The following PGBD4 variants were observed in gnomAD, a reference collection of about 807,000 sequenced individuals.
PGBD4 encodes piggyBac transposable element-derived protein 4.
In PGBD4, 1 loss-of-function variant was observed where a neutral mutation model predicts 0.3. That is an observed-to-expected ratio of 3.72 (90% confidence interval 1.32 to 17.64). The LOEUF (loss-of-function observed/expected upper bound fraction) is 17.64. Among genes scored for constraint, PGBD4 ranks in the 30% most tolerant of loss-of-function variants. The pLI is 0.11. For synonymous variants in PGBD4, 253 were observed against 267.7 expected, an observed-to-expected ratio of 0.95 and a Z score of 0.54; for missense variants, 624 against 719.7, an observed-to-expected ratio of 0.87 and a Z score of 1.52.
rs1486576480 is a variant in PGBD4, at chr15:34,107,337, TTCTC to T, written c.*3050_*3053del. On this transcript the variant is annotated 3_prime_UTR_variant, in exon 1 of 1. Transcript: ENST00000397766. Reference sequence around the variant, plus strand: ...ATGTTCCAGCTTATGGATGGACTGATTCTCTATCGAGCAACATTAAGATTGTGTC... The same window carrying T: ...ATGTTCCAGCTTATGGATGGACTGATTATCGAGCAACATTAAGATTGTGTC... The T allele has an allele frequency of 6.6e-6, 1 of 152,208 alleles. No homozygotes were observed. Among genetic ancestry groups the T allele is most frequent in the Non-Finnish European group, 1.5e-5 (1 of 68,030 alleles). The allele number at this position is 152,208 out of a possible 1,614,324, so 9.4% of individuals were successfully genotyped here. A position where few individuals can be genotyped will look rare whatever the true frequency, so the allele number is the denominator to read the frequency against.
rs1475834593 is a variant in PGBD4 at position 34,103,696 on chromosome 15, G to C, written c.1165G>C (p.Asp389His). The C allele has an allele frequency of 6.2e-7, 1 of 1,614,066 alleles. No individual in the cohort carries two copies. The highest frequency in any genetic ancestry group is 8.5e-7 in the Non-Finnish European group (1 of 1,180,056). ...CGELMALKWCDGKEVTMLSTF... is the reference protein window; with the variant it reads ...CGELMALKWCHGKEVTMLSTF... ...TGAACTTATGGCACTGAAATGGTGT[G>C]ACGGCAAGGAGGTGACAATGTTGTC... Residue 389 changes from aspartate to histidine, a missense_variant, in exon 1 of 1, where the codon GAC (aspartate) becomes CAC (histidine). Coordinates refer to ENST00000397766, the MANE Select transcript of PGBD4 (RefSeq NM_152595.5). This position sits in a 1 kb window ranked among gnomAD's most constrained non-coding sequence, Gnocchi z 4.6.
chr15:34,103,292 T>C lies in PGBD4; in HGVS notation c.761T>C (p.Met254Thr). 2 of 1,614,232 alleles carry C rather than the reference T, an allele frequency of 1.2e-6. No individual in the cohort carries two copies. Among genetic ancestry groups the C allele is most frequent in the Non-Finnish European group, 1.7e-6 (2 of 1,180,046 alleles). ...AACATTGCAGTTGATGAATCACTGA[T>C]GCTGTTCAAGGGGCCATTAGCTATG... ...NRNIAVDESL[M>T]LFKGPLAMKQ... Residue 254 changes from methionine to threonine, a missense_variant, in exon 1 of 1, where the codon ATG becomes ACG. Physicochemically the swap from Met to Thr is moderately conservative, Grantham distance 81. Transcript: ENST00000397766. This position sits in a 1 kb window ranked among gnomAD's most constrained non-coding sequence, Gnocchi z 4.6.
Position 34,108,153 on chromosome 15 carries a change from G to C in PGBD4, c.*3864G>C, listed in dbSNP as rs1015123412. The C allele has an allele frequency of 6.6e-6, 1 of 151,756 alleles. No individual in the cohort carries two copies. The highest frequency in any genetic ancestry group is 2.4e-5 in the African/African-American group (1 of 41,230). The allele number at this position is 151,756 out of a possible 1,614,324, so 9.4% of individuals were successfully genotyped here. A position where few individuals can be genotyped will look rare whatever the true frequency, so the allele number is the denominator to read the frequency against. ...AATTTTTGTACTTTTAGTAGAGACG[G>C]AGTTTCACCATGTTGGCCAGGCTGG... On this transcript the variant is annotated 3_prime_UTR_variant, in exon 1 of 1. Transcript: ENST00000397766.
rs1298908048 is a variant in PGBD4 at position 34,102,228 on chromosome 15, T to G, written c.-304T>G. ...CAGAAGAGACCTTTCAAAAAACTTC[T>G]AGAGACTCCCCAAGACGTATGAGAT... On this transcript the variant is annotated 5_prime_UTR_variant, in exon 1 of 1. The change abolishes the stop of an existing upstream ORF in the 5' untranslated region. Coordinates refer to ENST00000397766, the MANE Select transcript of PGBD4 (RefSeq NM_152595.5). This position sits in a 1 kb window ranked among gnomAD's most constrained non-coding sequence, Gnocchi z 4.7. The G allele has an allele frequency of 2.2e-6, 1 of 452,256 alleles. No individual in the cohort carries two copies. The highest frequency in any genetic ancestry group is 3.9e-6 in the Non-Finnish European group (1 of 258,062). 28.0% of individuals were successfully genotyped at this position (452,256 alleles called of 1,614,324 possible). A position where few individuals can be genotyped will look rare whatever the true frequency, so the allele number is the denominator to read the frequency against.
rs929209586 is a variant in PGBD4 at position 34,105,936 on chromosome 15, A to G, written c.*1647A>G. 2 of 167,096 alleles carry G rather than the reference A, an allele frequency of 1.2e-5. No homozygotes were observed. Among genetic ancestry groups the G allele is most frequent in the African/African-American group, 4.8e-5 (2 of 41,444 alleles). 10.4% of individuals were successfully genotyped at this position (167,096 alleles called of 1,614,324 possible). On this transcript the variant is annotated 3_prime_UTR_variant, in exon 1 of 1. Coordinates refer to ENST00000397766, the MANE Select transcript of PGBD4 (RefSeq NM_152595.5). ...TACAGACAGGGCCAGTGGCAAGGCC[A>G]TCAGAAAACTTCTTCCCAAGGCCAC...
rs1193569423 is a variant in PGBD4, at chr15:34,103,449, T to C, written c.918T>C (p.Asp306=). The C allele has an allele frequency of 6.2e-7, 1 of 1,614,126 alleles. No individual in the cohort carries two copies. The highest frequency in any genetic ancestry group is 8.5e-7 in the Non-Finnish European group (1 of 1,180,054). The stretch of plus-strand genomic sequence containing the variant: ...GCATGAATTTGAAAGATTCAGCGGA[T>C]GGCCTGAAATCATCACGCATTGTTC... ...GPGMNLKDSA[D]GLKSSRIVLT... is the part of the protein sequence containing the mutation. The change falls in exon 1 of 1, where the codon GAT becomes GAC. Residue 306 remains aspartate, a synonymous_variant. Transcript: ENST00000397766. This position sits in a 1 kb window ranked among gnomAD's most constrained non-coding sequence, Gnocchi z 4.6.
Position 34,104,054 on chromosome 15 carries a change from G to A in PGBD4, c.1523G>A (p.Arg508His), listed in dbSNP as rs774666836. ...HKPGQQHLRG[R>H]PCSDDVTPLR... ...CCAGGGCAGCAACATCTTCGAGGTC[G>A]TCCTTGCTCCGATGATGTCACACCT... The change falls in exon 1 of 1, where the codon CGT becomes CAT. Residue 508 changes from arginine to histidine, a missense_variant. Coordinates refer to ENST00000397766, the MANE Select transcript of PGBD4 (RefSeq NM_152595.5). 9.9e-6 allele frequency: 16 copies of A among 1,614,020 alleles called. No homozygotes were observed. The Admixed American group carries it at 1.8e-4, about 18-fold the overall frequency.
In PGBD4 at chr15:34,104,368, C is replaced by T. The variant is rs143215981; in HGVS notation, c.*79C>T. The T allele has an allele frequency of 2.5e-4, 363 of 1,462,850 alleles. 2 individuals carry two copies. In the African/African-American group the frequency reaches 4.3e-3, roughly 17 times the overall value. 90.6% of individuals were successfully genotyped at this position (1,462,850 alleles called of 1,614,324 possible). A position where few individuals can be genotyped will look rare whatever the true frequency, so the allele number is the denominator to read the frequency against. On this transcript the variant is annotated 3_prime_UTR_variant, in exon 1 of 1. Coordinates refer to ENST00000397766, the MANE Select transcript of PGBD4 (RefSeq NM_152595.5). ...AGAAATAACTCCAAGATTGGGAGGC[C>T]GACCTGGGTGGATCACCTGAGATCA...
At position 34,102,833 on chromosome 15, in the gene PGBD4, T is replaced by C. The variant is rs140024325; in HGVS notation, c.302T>C (p.Ile101Thr). The C allele has an allele frequency of 5.0e-6, 8 of 1,614,072 alleles. No individual in the cohort carries two copies. In the African/African-American group the frequency reaches 8.0e-5, roughly 16 times the overall value. ...TPGRKVDVSD[I>T]TDPLQYFELF... Reference sequence around the variant, plus strand: ...GGCAGAAAAGTCGATGTCAGTGATATCACTGACCCATTGCAGTATTTTGAA... The same window carrying C: ...GGCAGAAAAGTCGATGTCAGTGATACCACTGACCCATTGCAGTATTTTGAA... Residue 101 changes from isoleucine to threonine, a missense_variant, in exon 1 of 1, where the codon ATC becomes ACC. By Grantham distance (89) the Ile-to-Thr change is moderately conservative. Transcript: ENST00000397766. The surrounding 1 kb of genome is among the most constrained non-coding windows in gnomAD (Gnocchi z 4.7).
Position 34,104,501 on chromosome 15 carries a change from G to T in PGBD4, c.*212G>T. On this transcript the variant is annotated 3_prime_UTR_variant, in exon 1 of 1. Transcript: ENST00000397766. ...GCCTGTAATCCAAGCTACTTGGGAG[G>T]CTGAGGCAGGAGAATTGCTTGAACC... is the stretch of plus-strand genomic sequence containing the variant. The T allele has an allele frequency of 5.1e-6, 3 of 585,764 alleles. No homozygotes were observed. In the East Asian group the frequency reaches 9.2e-5, roughly 18 times the overall value. The allele number at this position is 585,764 out of a possible 1,614,324, so 36.3% of individuals were successfully genotyped here.
In PGBD4 at chr15:34,103,046, A is replaced by G; in HGVS notation, c.515A>G (p.Glu172Gly). 6.2e-7 allele frequency: 1 copy of G among 1,613,994 alleles called. No individual in the cohort carries two copies. Among genetic ancestry groups the G allele is most frequent in the Non-Finnish European group, 8.5e-7 (1 of 1,180,012 alleles). ...CTGCAAGGTATTGTGCAGAAACCTG[A>G]GCTGGAGATGTTTTGGTCAACAAGG... ...MLLQGIVQKP[E>G]LEMFWSTRPL... Residue 172 changes from glutamate to glycine, a missense_variant, in exon 1 of 1, where the codon GAG (glutamate) becomes GGG (glycine). Physicochemically the swap from Glu to Gly is moderately conservative, Grantham distance 98 (BLOSUM62 -2). Coordinates refer to ENST00000397766, the MANE Select transcript of PGBD4 (RefSeq NM_152595.5). The surrounding 1 kb of genome is among the most constrained non-coding windows in gnomAD (Gnocchi z 4.6).
rs772013199 is a variant in PGBD4 at position 34,104,295 on chromosome 15, G to A, written c.*6G>A. ...ACACGAAAAAAAATTATTAAATACCGATCATCATACACATCTGTTCCATTA... is the reference window on the plus strand; with the variant it reads ...ACACGAAAAAAAATTATTAAATACCAATCATCATACACATCTGTTCCATTA... On this transcript the variant is annotated 3_prime_UTR_variant, in exon 1 of 1. Coordinates refer to ENST00000397766, the MANE Select transcript of PGBD4 (RefSeq NM_152595.5). The A allele has an allele frequency of 8.1e-6, 13 of 1,605,652 alleles. No individual in the cohort carries two copies. Among genetic ancestry groups the A allele is most frequent in the Admixed American group, 5.0e-5 (3 of 59,438 alleles).
chr15:34,104,109 G>C lies in PGBD4; in HGVS notation c.1578G>C (p.Lys526Asn), dbSNP rs1597408772. Reference sequence around the variant, plus strand: ...GTCTGTCTGGAAGACATTTCCCCAAGAGCATACCAGCAACGTCCGGGAAAC... The same window carrying C: ...GTCTGTCTGGAAGACATTTCCCCAACAGCATACCAGCAACGTCCGGGAAAC... Reference protein sequence around the residue: ...PLRLSGRHFPKSIPATSGKQN... With the variant: ...PLRLSGRHFPNSIPATSGKQN... The change falls in exon 1 of 1, where the codon AAG becomes AAC. Residue 526 changes from lysine to asparagine, a missense_variant. Lys to Asn is a moderately conservative substitution (Grantham distance 94). Transcript: ENST00000397766. The C allele has an allele frequency of 5.6e-6, 9 of 1,614,180 alleles. No individual in the cohort carries two copies. Among genetic ancestry groups the C allele is most frequent in the Non-Finnish European group, 7.6e-6 (9 of 1,180,034 alleles).
Position 34,106,206 on chromosome 15 carries a change from G to T in PGBD4, c.*1917G>T. 6.1e-6 allele frequency: 1 copy of T among 164,848 alleles called. No homozygotes were observed. 10.2% of individuals were successfully genotyped at this position (164,848 alleles called of 1,614,324 possible). ...CCAGCACTTTGGAAGGCCGAGATGG[G>T]CGAATCACAAGGTCAGGAGTTTGAG... On this transcript the variant is annotated 3_prime_UTR_variant, in exon 1 of 1. Coordinates refer to ENST00000397766, the MANE Select transcript of PGBD4 (RefSeq NM_152595.5).
In PGBD4 at chr15:34,103,347, A is replaced by C. The variant is rs1901215370; in HGVS notation, c.816A>C (p.Arg272=). 9 of 1,614,062 alleles carry C rather than the reference A, an allele frequency of 5.6e-6. No individual in the cohort carries two copies. The highest frequency in any genetic ancestry group is 7.6e-6 in the Non-Finnish European group (9 of 1,180,042). The change falls in exon 1 of 1, where the codon CGA becomes CGC. Residue 272 remains arginine (R), a synonymous_variant. Coordinates refer to ENST00000397766, the MANE Select transcript of PGBD4 (RefSeq NM_152595.5). This position sits in a 1 kb window ranked among gnomAD's most constrained non-coding sequence, Gnocchi z 4.6. The part of the protein sequence containing the change: ...MKQYLPTKRV[R]FGLKLYVLCE... ...AGTACCTCCCGACAAAACGAGTACG[A>C]TTTGGTCTGAAGCTATATGTACTTT...
rs141885404 is a variant in PGBD4 at position 34,102,681 on chromosome 15, G to A, written c.150G>A (p.Lys50=). The change falls in exon 1 of 1, where the codon AAG becomes AAA. Residue 50 remains lysine (K), a synonymous_variant. Coordinates refer to ENST00000397766, the MANE Select transcript of PGBD4 (RefSeq NM_152595.5). This position sits in a 1 kb window ranked among gnomAD's most constrained non-coding sequence, Gnocchi z 4.7. The part of the protein sequence containing the change: ...NFSDSALEAD[K]IRPLSHLESD... ...CGGATAGTGCTTTAGAAGCCGATAA[G>A]ATCAGGCCTCTGTCCCATTTAGAAT... The A allele has an allele frequency of 2.5e-6, 4 of 1,614,014 alleles. No individual in the cohort carries two copies. The highest frequency in any genetic ancestry group is 2.7e-5 in the African/African-American group (2 of 74,904).
At position 34,104,401 on chromosome 15, in the gene PGBD4, A is replaced by T; in HGVS notation, c.*112A>T. On this transcript the variant is annotated 3_prime_UTR_variant, in exon 1 of 1. Coordinates refer to ENST00000397766, the MANE Select transcript of PGBD4 (RefSeq NM_152595.5). ...GTGGATCACCTGAGATCAGGAATTC[A>T]AGACCAGCCTGGCCAACATGGTGAA... is the stretch of plus-strand genomic sequence containing the variant. The T allele has an allele frequency of 8.4e-7, 1 of 1,185,612 alleles. No homozygotes were observed. The allele number at this position is 1,185,612 out of a possible 1,614,324, so 73.4% of individuals were successfully genotyped here.
chr15:34,102,540 T>C lies in PGBD4; in HGVS notation c.9T>C (p.Asn3=), dbSNP rs369128610. Residue 3 remains asparagine, a synonymous_variant, in exon 1 of 1, where the codon AAT becomes AAC. Transcript: ENST00000397766. This position sits in a 1 kb window ranked among gnomAD's most constrained non-coding sequence, Gnocchi z 4.7. MS[N]PRKRSIPMRD... is the part of the protein sequence containing the mutation. ...AATTCTCGATCGCTGAAATGTCAAA[T>C]CCTAGAAAACGTAGCATTCCTATGC... is the stretch of plus-strand genomic sequence containing the variant. 2.0e-6 allele frequency: 3 copies of C among 1,523,784 alleles called. No homozygotes were observed. The highest frequency in any genetic ancestry group is 2.6e-6 in the Non-Finnish European group (3 of 1,134,446). The allele number at this position is 1,523,784 out of a possible 1,614,324, so 94.4% of individuals were successfully genotyped here.
At position 34,102,588 on chromosome 15, in the gene PGBD4, A is replaced by C; in HGVS notation, c.57A>C (p.Glu19Asp). 6.2e-7 allele frequency: 1 copy of C among 1,605,880 alleles called. No homozygotes were observed. The change falls in exon 1 of 1, where the codon GAA (glutamate) becomes GAC (aspartate). Residue 19 changes from glutamate to aspartate, a missense_variant. Coordinates refer to ENST00000397766, the MANE Select transcript of PGBD4 (RefSeq NM_152595.5). The surrounding 1 kb of genome is among the most constrained non-coding windows in gnomAD (Gnocchi z 4.7). ...TGCGTGATAGTAATACCGGTCTCGA[A>C]CAGTTGTTGGCTGAAGATTCATTTG... ...IPMRDSNTGL[E>D]QLLAEDSFDE... is the part of the protein sequence containing the mutation.
Sources: allele counts gnomAD v4.1 joint callset, GRCh38; gene constraint gnomAD v4.1.1; non-coding constraint Gnocchi (gnomAD v3.1); transcripts MANE v1.5; gene names NCBI Gene and HGNC (gene_info 2026-07-23, HGNC 2026-07-21).